Variants in ACBD6 observed in about 807,000 individuals in gnomAD.
ACBD6 encodes the protein acyl-CoA-binding domain-containing protein 6.
In ACBD6, 28 loss-of-function variants were observed where a neutral mutation model predicts 37.2. The ratio of observed to expected loss-of-function variants is 0.75; its 90% confidence interval spans 0.56 to 1.03. The LOEUF is 1.03. Ranked by LOEUF, ACBD6 falls within the 50% of genes least tolerant of loss-of-function variation. ACBD6 has a pLI of 0.00. For missense variants in ACBD6, 340 were observed against 337.4 expected, an observed-to-expected ratio of 1.01 and a Z score of -0.06; for synonymous variants, 113 against 126.8, an observed-to-expected ratio of 0.89 and a Z score of 0.73.
At chr1:180,467,626 G>C (rs1188441999) in intron 3 of ACBD6, among the ~76,000 whole-genome samples, 1 of 151,816 alleles carries the variant, frequency 6.6e-6, no homozygotes, top group East Asian at 1.9e-4. Context: ...ACCGCAGCTG[G>C]GTGACAGCAA....
chr1:180,458,010 G>A (rs1649991158), intron 3 of ACBD6, among the ~76,000 whole-genome samples: 1 of 151,942 alleles, frequency 6.6e-6, no homozygotes, highest in Non-Finnish European at 1.5e-5. Context: ...TGGCCAGGCT[G>A]GTCTCAAACT....
downstream of ACBD6, among the ~76,000 whole-genome samples, chr1:180,285,676 T>C (rs1161591286): frequency 6.6e-6 from 1 of 152,188 alleles, no homozygotes; most frequent in African/African-American, 2.4e-5. Flanking sequence ...TATTCATTAA[T>C]CTCAGAGATG....
chr1:180,390,074 G>A (rs1170019277), intron 6 of ACBD6, among the ~76,000 whole-genome samples: 2 of 151,950 alleles, frequency 1.3e-5, no homozygotes, highest in Non-Finnish European at 1.5e-5. Context: ...TGAAGTTCTT[G>A]CCCATGCCTA....
chr1:180,417,936 G>C (rs1348885614), intron 4 of ACBD6, among the ~76,000 whole-genome samples: 2 of 152,158 alleles, frequency 1.3e-5, no homozygotes, highest in African/African-American at 4.8e-5. Context: ...GAAAGGCAAA[G>C]AAATGTATTC....
chr1:180,359,839 A>G (rs1652779863), intron 6 of ACBD6, among the ~76,000 whole-genome samples: 1 of 152,200 alleles, frequency 6.6e-6, no homozygotes, highest in African/African-American at 2.4e-5. Flanking sequence ...GAACAGATGA[A>G]TAAATGGCAT....
chr1:180,438,756 C>T (rs149397568), intron 3 of ACBD6, among the ~76,000 whole-genome samples: 5 of 152,204 alleles, frequency 3.3e-5, no homozygotes, highest in Non-Finnish European at 5.9e-5. Context: ...TATATTAATA[C>T]ACTATTATTA....
intron 5 of ACBD6, among the ~76,000 whole-genome samples, chr1:180,401,554 A>T (rs1366762121): frequency 6.6e-6 from 1 of 151,874 alleles, no homozygotes; most frequent in Non-Finnish European, 1.5e-5. Flanking sequence ...GAGTCCGAGG[A>T]GGGAAGATCA....
intron 3 of ACBD6, among the ~76,000 whole-genome samples, chr1:180,440,602 TTCCCCTC>T (rs1315875042): frequency 2.0e-5 from 3 of 150,768 alleles, no homozygotes; most frequent in Non-Finnish European, 4.4e-5. Context: ...TCACTCCCCA[TTCCCCTC>T]TCCCCCAAAC....
chr1:180,336,371 C>T (rs1390138881), intron 6 of ACBD6, among the ~76,000 whole-genome samples: 3 of 150,590 alleles, frequency 2.0e-5, no homozygotes, highest in Admixed American at 6.6e-5. Context: ...CTTAAAACCA[C>T]TCAACTACAT....
intron 3 of ACBD6, among the ~76,000 whole-genome samples, chr1:180,460,707 T>G (rs1188029149): frequency 6.6e-6 from 1 of 152,068 alleles, no homozygotes; most frequent in Non-Finnish European, 1.5e-5. Context: ...GCCAGACTCT[T>G]AAAAAACAAA....
chr1:180,427,025 C>T (rs1648609236), intron 4 of ACBD6, among the ~76,000 whole-genome samples: 1 of 152,228 alleles, frequency 6.6e-6, no homozygotes, highest in African/African-American at 2.4e-5. Context: ...AATATTAACA[C>T]AGAGATCTGA....
intron 3 of ACBD6, among the ~76,000 whole-genome samples, chr1:180,449,895 A>G (rs1339565773): frequency 6.7e-6 from 1 of 149,642 alleles, no homozygotes; most frequent in Non-Finnish European, 1.5e-5. Context: ...CATGTACCCT[A>G]GAACTTAAAT....
intron 6 of ACBD6, among the ~76,000 whole-genome samples, chr1:180,382,077 TG>T (rs1010661202): frequency 4.5e-4 from 66 of 145,970 alleles, no homozygotes; most frequent in African/African-American, 1.6e-3. Flanking sequence ...ATTGCACCAC[TG>T]CACTCCAGCC....
intron 6 of ACBD6, among the ~76,000 whole-genome samples, chr1:180,318,578 T>C (rs547662718): frequency 6.6e-6 from 1 of 152,318 alleles, no homozygotes; most frequent in South Asian, 2.1e-4. Context: ...CCCAGATATA[T>C]TATCAGCTTA....
intron 6 of ACBD6, among the ~76,000 whole-genome samples, chr1:180,324,260 C>T (rs1426897514): frequency 6.6e-6 from 1 of 151,986 alleles, no homozygotes; most frequent in Non-Finnish European, 1.5e-5. Flanking sequence ...TTGCTTCTGC[C>T]ATTCTGTTAT....
At chr1:180,382,405 A>G (rs4634864) in intron 6 of ACBD6, among the ~76,000 whole-genome samples, 76,768 of 151,864 alleles carry the variant, frequency 0.51, 21,463 homozygotes, top group South Asian at 0.66. Flanking sequence ...ACAAAGGATC[A>G]ACAGAGACAA....
At chr1:180,402,394 C>G (rs1647409191) in intron 5 of ACBD6, among the ~76,000 whole-genome samples, 1 of 152,162 alleles carries the variant, frequency 6.6e-6, no homozygotes, top group Admixed American at 6.5e-5. Flanking sequence ...AATCACACAC[C>G]AGTATGTGTG....
intron 5 of ACBD6, among the ~76,000 whole-genome samples, chr1:180,407,665 G>A (rs559742852): frequency 6.6e-6 from 1 of 152,166 alleles, no homozygotes; most frequent in East Asian, 1.9e-4. Context: ...TACTCTCCCA[G>A]ACCTGGTTTC....
intron 3 of ACBD6, among the ~76,000 whole-genome samples, chr1:180,489,455 A>C (rs1291102975): frequency 2.0e-5 from 3 of 151,312 alleles, no homozygotes; most frequent in Admixed American, 2.0e-4. Flanking sequence ...AAATACTTTT[A>C]GAATAGTATG....
Sources: gnomAD v4.1 joint callset for allele counts (sites outside exome capture counted in the v4.1 genomes callset) on GRCh38, gnomAD v4.1.1 for gene constraint, MANE v1.5 for transcripts, NCBI Gene and HGNC (gene_info 2026-07-23, HGNC 2026-07-21) for gene names.